Variants in FAM78B observed in about 807,000 individuals in gnomAD.
FAM78B encodes the protein protein FAM78B.
A neutral mutation model predicts 20.0 loss-of-function variants in FAM78B; 10 were observed. The observed-to-expected ratio is 0.50, with a 90% CI of 0.31 to 0.85. The LOEUF (loss-of-function observed/expected upper bound fraction) is 0.85, where lower values mean the gene tolerates loss of function less well. Among genes scored for constraint, FAM78B ranks in the 40% least tolerant of loss-of-function variants. The pLI is 0.05. For missense variants in FAM78B, 283 were observed against 345.0 expected (o/e 0.82, Z 1.42); for synonymous variants, 135 against 132.8 (o/e 1.02, Z -0.12).
At chr1:166,125,049 C>A (rs1049498293) in intron 1 of FAM78B, among the ~76,000 whole-genome samples, 2 of 152,254 alleles carry the variant, frequency 1.3e-5, no homozygotes, top group Admixed American at 1.3e-4. Flanking sequence ...CTATGGTCAA[C>A]TGAGACCTGC....
intron 1 of FAM78B, among the ~76,000 whole-genome samples, chr1:166,084,309 C>CA (rs1311976474): frequency 1.1e-4 from 17 of 151,488 alleles, no homozygotes; most frequent in African/African-American, 3.9e-4. Flanking sequence ...GTGAGGGTCT[C>CA]AAGTCTAAAA....
At chr1:166,147,327 C>T (rs1055300191) in intron 1 of FAM78B, among the ~76,000 whole-genome samples, 8 of 152,222 alleles carry the variant, frequency 5.3e-5, no homozygotes, top group African/African-American at 1.4e-4. Flanking sequence ...AGGATGATAA[C>T]GCCTAAATGA....
intron 1 of FAM78B, among the ~76,000 whole-genome samples, chr1:166,092,611 C>G (rs987301747): frequency 2.4e-4 from 37 of 152,218 alleles, no homozygotes; most frequent in Non-Finnish European, 3.4e-4. Context: ...TTATCCCATG[C>G]TCCTCAGCTG....
In FAM78B at chr1:166,076,120, T is replaced by C. The variant is rs1024612868; in HGVS notation, c.264-5357A>G. The stretch of plus-strand genomic sequence containing the variant: ...TACTCAACTTTGCGTCCCTGTTCTA[T>C]TGTCAACATGGCAGCCACAGTGATC... On this transcript the variant is annotated intron_variant, in intron 1 of 1. Coordinates refer to ENST00000354422, the MANE Select transcript of FAM78B (RefSeq NM_001017961.5). 4.6e-5 allele frequency among the ~76,000 whole-genome samples: 7 copies of C among 152,254 alleles called. 1 individual carries two copies. In the South Asian group the frequency reaches 1.2e-3, roughly 27 times the overall value.
intron 1 of FAM78B, among the ~76,000 whole-genome samples, chr1:166,078,927 GTT>G (rs11345450): frequency 0.16 from 21,203 of 135,306 alleles, 1,739 homozygotes; most frequent in African/African-American, 0.23. Context: ...GGCCTTACAT[GTT>G]TTTTTTTTTT....
chr1:166,083,435 G>A (rs1652660331), intron 1 of FAM78B, among the ~76,000 whole-genome samples: 1 of 152,190 alleles, frequency 6.6e-6, no homozygotes, highest in African/African-American at 2.4e-5. Context: ...CGTGGCCTTG[G>A]ACAAATCACT....
At position 166,080,081 on chromosome 1, in the gene FAM78B, G is replaced by A. The variant is rs563884457; in HGVS notation, c.264-9318C>T. On this transcript the variant is annotated intron_variant, in intron 1 of 1. Coordinates refer to ENST00000354422, the MANE Select transcript of FAM78B (RefSeq NM_001017961.5). The stretch of plus-strand genomic sequence containing the variant: ...TAGGGAACTTGCTCAAGATCTTTCC[G>A]CTAGTGAGGGGCAGAATCAAACTGT... 2.6e-5 allele frequency among the ~76,000 whole-genome samples: 4 copies of A among 152,230 alleles called. No individual in the cohort carries two copies. The East Asian group carries it at 5.8e-4, about 22-fold the overall frequency.
rs574332920 is a variant in FAM78B, at chr1:166,155,225, T to C, written c.263+10761A>G. 2.6e-5 allele frequency among the ~76,000 whole-genome samples: 4 copies of C among 152,348 alleles called. No individual in the cohort carries two copies. In the South Asian group the frequency reaches 8.3e-4, roughly 32 times the overall value. On this transcript the variant is annotated intron_variant, in intron 1 of 1. Coordinates refer to ENST00000354422, the MANE Select transcript of FAM78B (RefSeq NM_001017961.5). ...CAATATCCTGAATACTTCCTGATCA[T>C]TCATTCATTTGGACATTCATTCATT...
intron 1 of FAM78B, among the ~76,000 whole-genome samples, chr1:166,114,597 G>C (rs1450446997): frequency 6.6e-6 from 1 of 152,180 alleles, no homozygotes; most frequent in Non-Finnish European, 1.5e-5. Context: ...CCAGCCAGGA[G>C]ATTTCCAGCA....
rs1651958237 is a variant in FAM78B, at chr1:166,070,067, G to T, written c.*174C>A. On this transcript the variant is annotated 3_prime_UTR_variant, in exon 2 of 2. Coordinates refer to ENST00000354422, the MANE Select transcript of FAM78B (RefSeq NM_001017961.5). ...CTAAGAGGAAGGGATTTTTCCTAAG[G>T]ATTATGGTTCTACCACCCAAGGAGC... 5.4e-6 allele frequency: 7 copies of T among 1,289,888 alleles called. No individual in the cohort carries two copies. Among genetic ancestry groups the T allele is most frequent in the Non-Finnish European group, 6.9e-6 (7 of 1,013,844 alleles). 79.9% of individuals were successfully genotyped at this position (1,289,888 alleles called of 1,614,324 possible). A position where few individuals can be genotyped will look rare whatever the true frequency, so the allele number is the denominator to read the frequency against.
At chr1:166,142,409 G>A (rs936183639) in intron 1 of FAM78B, among the ~76,000 whole-genome samples, 1 of 152,214 alleles carries the variant, frequency 6.6e-6, no homozygotes, top group Non-Finnish European at 1.5e-5. Context: ...AGCAGCAGAA[G>A]CCTGAAGTCC....
exon 3 of FAM78B, chr1:166,058,841 A>G (rs1651461166): frequency 6.6e-6 from 1 of 152,504 alleles, no homozygotes; most frequent in Admixed American, 6.5e-5. Context: ...CTTCTCAGCC[A>G]TCTAGGATTT....
chr1:166,153,902 C>T (rs1242332072), intron 1 of FAM78B, among the ~76,000 whole-genome samples: 1 of 152,214 alleles, frequency 6.6e-6, no homozygotes, highest in African/African-American at 2.4e-5. Context: ...CTGTTCCCTC[C>T]CATTCTTCCC....
chr1:166,166,329 G>C lies in FAM78B; in HGVS notation c.-81C>G. 9.5e-7 allele frequency: 1 copy of C among 1,056,216 alleles called. No homozygotes were observed. The allele number at this position is 1,056,216 out of a possible 1,614,324, so 65.4% of individuals were successfully genotyped here. A position where few individuals can be genotyped will look rare whatever the true frequency, so the allele number is the denominator to read the frequency against. Reference sequence around the variant, plus strand: ...GCAGCCGGGGGCGCCCGTCACGCCGGCATGGCGACGCGCCGCTCGCTCCCG... The same window carrying C: ...GCAGCCGGGGGCGCCCGTCACGCCGCCATGGCGACGCGCCGCTCGCTCCCG... On this transcript the variant is annotated 5_prime_UTR_variant, in exon 1 of 2. Transcript: ENST00000354422.
At chr1:166,161,537 G>C (rs2101807013) in intron 1 of FAM78B, among the ~76,000 whole-genome samples, 1 of 152,322 alleles carries the variant, frequency 6.6e-6, no homozygotes, top group African/African-American at 2.4e-5. Context: ...ACTGGAGGGG[G>C]ACAAGAATGG....
rs183423307 is a variant in FAM78B, at chr1:166,070,478, C to T, written c.549G>A (p.Lys183=). ...LVAMNTTTKE[K]IILQTIKWRM... is the part of the protein sequence containing the mutation. ...TCCACTTGATGGTCTGCAGAATGAT[C>T]TTCTCCTTTGTGGTGGTGTTCATGG... is the stretch of plus-strand genomic sequence containing the variant. The change falls in exon 2 of 2, where the codon AAG becomes AAA. Residue 183 remains lysine, a synonymous_variant. Transcript: ENST00000354422. 6.2e-7 allele frequency: 1 copy of T among 1,614,226 alleles called. No homozygotes were observed. Among genetic ancestry groups the T allele is most frequent in the Non-Finnish European group, 8.5e-7 (1 of 1,180,034 alleles).
chr1:166,090,975 G>A (rs1487825593), intron 1 of FAM78B, among the ~76,000 whole-genome samples: 3 of 152,158 alleles, frequency 2.0e-5, no homozygotes, highest in African/African-American at 7.2e-5. Context: ...AAGTTGGGGT[G>A]GGGGTGCGAC....
At chr1:166,139,168 T>C (rs962480489) in intron 1 of FAM78B, among the ~76,000 whole-genome samples, 1 of 152,172 alleles carries the variant, frequency 6.6e-6, no homozygotes, top group Non-Finnish European at 1.5e-5. Context: ...TATAGCAGCT[T>C]TGTTAGAAGG....
intron 1 of FAM78B, among the ~76,000 whole-genome samples, chr1:166,134,319 C>G (rs987843860): frequency 1.3e-5 from 2 of 150,754 alleles, no homozygotes; most frequent in African/African-American, 4.9e-5. Context: ...GGCATTTAAT[C>G]CAACTCCCTT....
Sources: allele counts gnomAD v4.1 joint callset (sites outside exome capture counted in the v4.1 genomes callset), GRCh38; gene constraint gnomAD v4.1.1; transcripts MANE v1.5; gene names NCBI Gene and HGNC (gene_info 2026-07-23, HGNC 2026-07-21).